The following NTN3 variants were observed in gnomAD, a reference collection of about 807,000 sequenced individuals.
NTN3 encodes the protein netrin 3.
Under a neutral mutation model 37.2 loss-of-function variants are expected in NTN3, and 44 were observed. The ratio of observed to expected loss-of-function variants is 1.18; its 90% CI spans 0.93 to 1.52. NTN3 has a LOEUF of 1.52. NTN3 is among the 40% of genes most tolerant of loss of function. NTN3 has a pLI of 0.00. For missense variants in NTN3, 882 were observed against 857.3 expected, an observed-to-expected ratio of 1.03 and a Z score of -0.36; for synonymous variants, 385 against 376.0, an observed-to-expected ratio of 1.02 and a Z score of -0.28.
chr16:2,473,555 C>G (rs2065536367), intron 5 of NTN3, 52 bp downstream of exon 5: 2 of 1,534,338 alleles, frequency 1.3e-6, no homozygotes, highest in Admixed American at 1.7e-5. Context: ...CCTCTCCCTA[C>G]CTTCCCTCCT....
At position 2,471,588 on chromosome 16, in the gene NTN3, G is replaced by T. The variant is rs2065520943; in HGVS notation, c.-114G>T. On this transcript the variant is annotated 5_prime_UTR_variant, in exon 1 of 6. Transcript: ENST00000293973. ...CTGGGCCGGGCTGGGGCCGCCCGGG[G>T]GCCCTGTTCCTCGGCATTGCGGGCC... The T allele has an allele frequency of 3.9e-6, 3 of 776,746 alleles. No homozygotes were observed. Among genetic ancestry groups the T allele is most frequent in the Non-Finnish European group, 5.4e-6 (3 of 557,798 alleles). 48.1% of individuals were successfully genotyped at this position (776,746 alleles called of 1,614,324 possible). A position where few individuals can be genotyped will look rare whatever the true frequency, so the allele number is the denominator to read the frequency against.
rs756329835 is a variant in NTN3 at position 2,473,124 on chromosome 16, G to A, written c.1257G>A (p.Ala419=). 3.7e-6 allele frequency: 6 copies of A among 1,601,194 alleles called. No individual in the cohort carries two copies. Among genetic ancestry groups the A allele is most frequent in the Middle Eastern group, 1.7e-4 (1 of 6,038 alleles). Residue 419 remains alanine (A), a synonymous_variant, in exon 3 of 6, where the codon GCG becomes GCA. Transcript: ENST00000293973. ...TCCAGCAAAGCCGCTCCCCAGTGGC[G>A]CCCTGTGTTAGTGAGTGACCCTGCC... The part of the protein sequence containing the change: ...PGFQQSRSPV[A]PCVKTPIPGP...
chr16:2,472,408 T>C lies in NTN3; in HGVS notation c.707T>C (p.Met236Thr). 6.2e-7 allele frequency: 1 copy of C among 1,612,708 alleles called. No individual in the cohort carries two copies. Among genetic ancestry groups the C allele is most frequent in the South Asian group, 1.1e-5 (1 of 91,082 alleles). ...RPSTAGDPRDMEAVVPYSYAA... is the reference protein window; with the variant it reads ...RPSTAGDPRDTEAVVPYSYAA... ...AGCACGGCAGGTGACCCCAGGGACATGGAGGCCGTCGTCCCTTACTCCTAC... is the reference window on the plus strand; with the variant it reads ...AGCACGGCAGGTGACCCCAGGGACACGGAGGCCGTCGTCCCTTACTCCTAC... Residue 236 changes from methionine to threonine, a missense_variant, in exon 1 of 6, where the codon ATG becomes ACG. Met to Thr is a moderately conservative substitution (Grantham distance 81). Coordinates refer to ENST00000293973, the MANE Select transcript of NTN3 (RefSeq NM_006181.3).
chr16:2,473,968 G>A lies in NTN3; in HGVS notation c.1606G>A (p.Ala536Thr). The A allele has an allele frequency of 8.6e-7, 1 of 1,164,270 alleles. No individual in the cohort carries two copies. Among genetic ancestry groups the A allele is most frequent in the Non-Finnish European group, 1.1e-6 (1 of 945,088 alleles). The allele number at this position is 1,164,270 out of a possible 1,614,324, so 72.1% of individuals were successfully genotyped here. A position where few individuals can be genotyped will look rare whatever the true frequency, so the allele number is the denominator to read the frequency against. ...GCTGGGGGGCGGGCCTGGAGCCGCG[G>A]CTGGGGGCGCGGGGGGCCGGGGGCC... is the stretch of plus-strand genomic sequence containing the variant. ...LLLGGGPGAAAGGAGGRGPGL... is the reference protein window; with the variant it reads ...LLLGGGPGAATGGAGGRGPGL... The change falls in exon 6 of 6, where the codon GCT becomes ACT. Residue 536 changes from alanine to threonine, a missense_variant. Physicochemically the swap from Ala to Thr is moderately conservative, Grantham distance 58 (BLOSUM62 0). Transcript: ENST00000293973.
chr16:2,471,800 G>A lies in NTN3; in HGVS notation c.99G>A (p.Glu33=), dbSNP rs919823225. The change falls in exon 1 of 6, where the codon GAG becomes GAA. Residue 33 remains glutamate, a synonymous_variant. Transcript: ENST00000293973. ...CGCCCGCCGACCCCTGCCACGATGAGGGGGGTGCGCCCCGCGGCTGCGTGC... is the reference window on the plus strand; with the variant it reads ...CGCCCGCCGACCCCTGCCACGATGAAGGGGGTGCGCCCCGCGGCTGCGTGC... The part of the protein sequence containing the change: ...PPAPADPCHD[E]GGAPRGCVPG... 35 of 1,387,798 alleles carry A rather than the reference G, an allele frequency of 2.5e-5. No homozygotes were observed. Among genetic ancestry groups the A allele is most frequent in the Non-Finnish European group, 3.1e-5 (34 of 1,079,928 alleles). The allele number at this position is 1,387,798 out of a possible 1,614,324, so 86.0% of individuals were successfully genotyped here. A position where few individuals can be genotyped will look rare whatever the true frequency, so the allele number is the denominator to read the frequency against.
rs1384439007 is a variant in NTN3 at position 2,472,839 on chromosome 16, G to A, written c.1067G>A (p.Gly356Asp). 4.4e-6 allele frequency: 7 copies of A among 1,608,368 alleles called. No individual in the cohort carries two copies. Among genetic ancestry groups the A allele is most frequent in the Non-Finnish European group, 5.9e-6 (7 of 1,178,988 alleles). The change falls in exon 2 of 6, where the codon GGC (glycine) becomes GAC (aspartate). Residue 356 changes from glycine to aspartate, a missense_variant. Coordinates refer to ENST00000293973, the MANE Select transcript of NTN3 (RefSeq NM_006181.3). ...CGCCACTGCCACTACTGCCGGGAGG[G>A]CTTCTATCGAGACCCTGGCCGTGCC... ...AGRHCHYCRE[G>D]FYRDPGRALS...
rs1007931463 is a variant in NTN3 at position 2,471,772 on chromosome 16, C to T, written c.71C>T (p.Pro24Leu). The T allele has an allele frequency of 4.3e-6, 6 of 1,381,292 alleles. No individual in the cohort carries two copies. Among genetic ancestry groups the T allele is most frequent in the Admixed American group, 3.5e-5 (1 of 28,202 alleles). The allele number at this position is 1,381,292 out of a possible 1,614,324, so 85.6% of individuals were successfully genotyped here. A position where few individuals can be genotyped will look rare whatever the true frequency, so the allele number is the denominator to read the frequency against. Reference sequence around the variant, plus strand: ...TTCGCCGCCCTGAGTCCTGGGCCGCCGGCGCCCGCCGACCCCTGCCACGAT... The same window carrying T: ...TTCGCCGCCCTGAGTCCTGGGCCGCTGGCGCCCGCCGACCCCTGCCACGAT... ...TLFAALSPGP[P>L]APADPCHDEG... The change falls in exon 1 of 6, where the codon CCG (proline) becomes CTG (leucine). Residue 24 changes from proline (P) to leucine (L), a missense_variant. Pro to Leu is a moderately conservative substitution (Grantham distance 98). Transcript: ENST00000293973.
intron 5 of NTN3, 119 bp from the exon 6 acceptor site, chr16:2,473,637 C>A: frequency 8.0e-7 from 1 of 1,245,336 alleles, no homozygotes; most frequent in Non-Finnish European, 1.1e-6. Context: ...TCAGGTCCTC[C>A]ACGGGCAGCG....
Position 2,473,831 on chromosome 16 carries a change from T to C in NTN3, c.1469T>C (p.Val490Ala). The C allele has an allele frequency of 7.3e-7, 1 of 1,370,374 alleles. No homozygotes were observed. The highest frequency in any genetic ancestry group is 9.3e-7 in the Non-Finnish European group (1 of 1,071,656). 84.9% of individuals were successfully genotyped at this position (1,370,374 alleles called of 1,614,324 possible). The change falls in exon 6 of 6, where the codon GTG becomes GCG. Residue 490 changes from valine to alanine, a missense_variant. Val to Ala is a moderately conservative substitution (Grantham distance 64). Transcript: ENST00000293973. ...CGCTTCCCGGTGGCGGTGCTCGCCG[T>C]GTTCCGGAGCGGAGAGGAGCGCGCG... is the stretch of plus-strand genomic sequence containing the variant. ...WTRFPVAVLA[V>A]FRSGEERARR...
chr16:2,473,043 G>A lies in NTN3; in HGVS notation c.1176G>A (p.Gln392=), dbSNP rs751719692. The change falls in exon 3 of 6, where the codon CAG becomes CAA. Residue 392 remains glutamine, a synonymous_variant. Coordinates refer to ENST00000293973, the MANE Select transcript of NTN3 (RefSeq NM_006181.3). ...AGKTCNQTTG[Q]CPCKDGVTGL... is the part of the protein sequence containing the mutation. ...AGACCTGCAACCAGACCACAGGCCA[G>A]TGTCCCTGCAAGGATGGCGTCACTG... 1.2e-6 allele frequency: 2 copies of A among 1,611,352 alleles called. No individual in the cohort carries two copies. Among genetic ancestry groups the A allele is most frequent in the Non-Finnish European group, 1.7e-6 (2 of 1,179,450 alleles).
chr16:2,472,370 G>A lies in NTN3; in HGVS notation c.669G>A (p.Val223=). The change falls in exon 1 of 6, where the codon GTG becomes GTA. Residue 223 remains valine (V), a synonymous_variant. Coordinates refer to ENST00000293973, the MANE Select transcript of NTN3 (RefSeq NM_006181.3). The part of the protein sequence containing the change: ...DWVTATDVRV[V]LTRPSTAGDP... ...TGACCGCCACCGACGTCCGTGTAGT[G>A]CTCACAAGGCCTAGCACGGCAGGTG... 1 of 1,612,664 alleles carries A rather than the reference G, an allele frequency of 6.2e-7. No homozygotes were observed.
chr16:2,473,696 T>C, intron 5 of NTN3, 60 bp from the exon 6 acceptor site: 1 of 1,369,172 alleles, frequency 7.3e-7, no homozygotes, highest in Non-Finnish European at 9.6e-7. Context: ...TCCCCGTGCC[T>C]CCCCCTACCG....
chr16:2,473,257 C>T lies in NTN3; in HGVS notation c.1268-11C>T. On this transcript the variant is annotated splice_polypyrimidine_tract_variant and intron_variant, in intron 3 of 5. Coordinates refer to ENST00000293973, the MANE Select transcript of NTN3 (RefSeq NM_006181.3). ...CCTCCATCGCAGGCCATTCTCCCTCCCTCTCTGCAGAGACCCCTATCCCTG... is the reference window on the plus strand; with the variant it reads ...CCTCCATCGCAGGCCATTCTCCCTCTCTCTCTGCAGAGACCCCTATCCCTG... The T allele has an allele frequency of 1.2e-6, 2 of 1,612,554 alleles. No homozygotes were observed. Among genetic ancestry groups the T allele is most frequent in the Non-Finnish European group, 1.7e-6 (2 of 1,179,776 alleles).
intron 5 of NTN3, 25 bp from the exon 6 acceptor site, chr16:2,473,731 C>A (rs779816059): frequency 7.0e-7 from 1 of 1,423,500 alleles, no homozygotes; most frequent in Non-Finnish European, 9.1e-7. Flanking sequence ...CTTCCTGACC[C>A]CGCCCCCTCT....
At chr16:2,472,659 T>C (rs376878759) in intron 1 of NTN3, 30 bp downstream of exon 1, 40 of 1,603,948 alleles carry the variant, frequency 2.5e-5, no homozygotes, top group Non-Finnish European at 3.1e-5. Flanking sequence ...CCTGGGGACC[T>C]TGGACACAAC....
Position 2,472,151 on chromosome 16 carries a change from C to T in NTN3, c.450C>T (p.Phe150=), listed in dbSNP as rs960323206. The change falls in exon 1 of 6, where the codon TTC becomes TTT. Residue 150 remains phenylalanine (F), a synonymous_variant. Transcript: ENST00000293973. ...HGRSWAPLGF[F]SSHCDLDYGR... is the part of the protein sequence containing the mutation. ...GCAGCTGGGCCCCGCTGGGCTTCTTCTCCTCCCACTGTGACCTGGACTATG... is the reference window on the plus strand; with the variant it reads ...GCAGCTGGGCCCCGCTGGGCTTCTTTTCCTCCCACTGTGACCTGGACTATG... The T allele has an allele frequency of 6.2e-7, 1 of 1,608,542 alleles. No individual in the cohort carries two copies. Among genetic ancestry groups the T allele is most frequent in the Middle Eastern group, 1.7e-4 (1 of 6,056 alleles).
rs949556965 is a variant in NTN3 at position 2,474,053 on chromosome 16, G to C, written c.1691G>C (p.Arg564Pro). The change falls in exon 6 of 6, where the codon CGC becomes CCC. Residue 564 changes from arginine (R) to proline (P), a missense_variant. Coordinates refer to ENST00000293973, the MANE Select transcript of NTN3 (RefSeq NM_006181.3). Reference protein sequence around the residue: ...VLPWRDAWTRRLRRLQRRERR... With the variant: ...VLPWRDAWTRPLRRLQRRERR... ...CCCTGGAGGGACGCGTGGACGCGGC[G>C]CCTGCGGAGGCTGCAGCGACGCGAA... 6.5e-5 allele frequency: 79 copies of C among 1,207,386 alleles called. No individual in the cohort carries two copies. The highest frequency in any genetic ancestry group is 3.4e-5 in the Non-Finnish European group (33 of 972,184). The allele number at this position is 1,207,386 out of a possible 1,614,324, so 74.8% of individuals were successfully genotyped here.
chr16:2,473,350 G>C, intron 4 of NTN3, 32 bp downstream of exon 4: 1 of 1,612,752 alleles, frequency 6.2e-7, no homozygotes, highest in Non-Finnish European at 8.5e-7. Context: ...CCCCAGACTG[G>C]CATGACTTTG....
Position 2,471,755 on chromosome 16 carries a change from CCT to C in NTN3, c.55_56del (p.Leu19GlufsTer14), listed in dbSNP as rs2065521807. The C allele has an allele frequency of 7.2e-7, 1 of 1,389,818 alleles. No individual in the cohort carries two copies. 86.1% of individuals were successfully genotyped at this position (1,389,818 alleles called of 1,614,324 possible). On this transcript the variant is annotated frameshift_variant, in exon 1 of 6. Coordinates refer to ENST00000293973, the MANE Select transcript of NTN3 (RefSeq NM_006181.3). LOFTEE classifies it high-confidence loss of function. ...LLTAGTLFAA[L>X]SPGPPAPADP... ...TGACGGCAGGCACGCTCTTCGCCGC[CCT>C]GAGTCCTGGGCCGCCGGCGCCCGCC... is the stretch of plus-strand genomic sequence containing the variant.
Sources: allele counts gnomAD v4.1 joint callset, GRCh38; gene constraint gnomAD v4.1.1; transcripts MANE v1.5; gene names NCBI Gene and HGNC (gene_info 2026-07-23, HGNC 2026-07-21).